Variants in RALGAPA2 observed in about 807,000 individuals in gnomAD.
The protein encoded by RALGAPA2 is Ral GTPase activating protein catalytic subunit alpha 2.
In RALGAPA2, 139 loss-of-function variants were observed where a neutral mutation model predicts 230.4. The observed-to-expected ratio is 0.60, with a 90% CI of 0.53 to 0.69. RALGAPA2 has a LOEUF of 0.69. RALGAPA2 is among the 30% of genes least tolerant of loss of function. The pLI is 0.00. For missense variants in RALGAPA2, 2,163 were observed against 2,276.0 expected (o/e 0.95, Z 1.01); for synonymous variants, 847 against 837.8 (o/e 1.01, Z -0.19).
intron 9 of RALGAPA2, among the ~76,000 whole-genome samples, chr20:20,632,231 C>A (rs1037973778): frequency 1.3e-5 from 2 of 151,924 alleles, no homozygotes; most frequent in African/African-American, 2.4e-5. Flanking sequence ...GGGGTTTCAC[C>A]GTGTTAGCCA....
intron 3 of RALGAPA2, among the ~76,000 whole-genome samples, chr20:20,656,708 C>G (rs370608472): frequency 1.3e-5 from 2 of 152,184 alleles, no homozygotes; most frequent in Non-Finnish European, 2.9e-5. Flanking sequence ...TAAGAACCCA[C>G]GTGAGCATTG....
chr20:20,584,932 G>T lies in RALGAPA2; in HGVS notation c.2463C>A (p.Ser821Arg). 6.2e-7 allele frequency: 1 copy of T among 1,610,456 alleles called. No homozygotes were observed. The highest frequency in any genetic ancestry group is 8.5e-7 in the Non-Finnish European group (1 of 1,178,052). The change falls in exon 19 of 40, where the codon AGC becomes AGA. Residue 821 changes from serine (S) to arginine (R), a missense_variant. Ser to Arg is a moderately radical substitution (Grantham distance 110, BLOSUM62 -1). Transcript: ENST00000202677. ...CATCTTTCAAATCCAATTCAGCAGG[G>T]CTGCTGCTTCTTCGAACTAAGATCT... ...GITILVRRSS[S>R]PAELDLKDDL...
At chr20:20,675,833 G>A (rs1002582051) in intron 3 of RALGAPA2, among the ~76,000 whole-genome samples, 1 of 152,070 alleles carries the variant, frequency 6.6e-6, no homozygotes, top group Admixed American at 6.6e-5. Flanking sequence ...TAGAGTATAG[G>A]AAATTTACAT....
intron 27 of RALGAPA2, among the ~76,000 whole-genome samples, chr20:20,530,207 T>G (rs1313672050): frequency 1.3e-5 from 2 of 152,208 alleles, no homozygotes; most frequent in Non-Finnish European, 2.9e-5. Context: ...CTACCTCATC[T>G]GTGAAGTGGA....
intron 23 of RALGAPA2, among the ~76,000 whole-genome samples, chr20:20,551,593 A>T (rs1428258547): frequency 6.6e-6 from 1 of 152,226 alleles, no homozygotes; most frequent in Non-Finnish European, 1.5e-5. Context: ...AGGTAATTCA[A>T]ATAGAGGCGT....
chr20:20,613,385 C>T (rs2066032765), intron 13 of RALGAPA2, among the ~76,000 whole-genome samples: 1 of 152,210 alleles, frequency 6.6e-6, no homozygotes, highest in Admixed American at 6.5e-5. Context: ...CATTTACATA[C>T]CAGTTATTCC....
intron 37 of RALGAPA2, among the ~76,000 whole-genome samples, chr20:20,414,843 C>T (rs1041274817): frequency 2.6e-5 from 4 of 152,220 alleles, no homozygotes; most frequent in Non-Finnish European, 4.4e-5. Flanking sequence ...CACACTCTCC[C>T]GCCCACTAAC....
At chr20:20,642,144 AAGGGGAGGGGAGGGGAGGGG>A (rs776626497) in intron 5 of RALGAPA2, among the ~76,000 whole-genome samples, 2 of 5,366 alleles carry the variant, frequency 3.7e-4, no homozygotes, top group Non-Finnish European at 6.5e-4. Context: ...GAGGGGAGAG[AAGGGGAGGGGAGGGGAGGGG>A]AGGGGAGGGG....
intron 37 of RALGAPA2, among the ~76,000 whole-genome samples, chr20:20,457,990 G>A (rs2061163452): frequency 6.6e-6 from 1 of 152,230 alleles, no homozygotes; most frequent in Non-Finnish European, 1.5e-5. Context: ...AGGGCCCCTG[G>A]TGAGGGTGAG....
At chr20:20,434,249 TG>T (rs1295548392) in intron 37 of RALGAPA2, among the ~76,000 whole-genome samples, 1 of 152,156 alleles carries the variant, frequency 6.6e-6, no homozygotes, top group African/African-American at 2.4e-5. Context: ...TGGCCTCTCA[TG>T]GGAACTCATG....
intron 14 of RALGAPA2, among the ~76,000 whole-genome samples, chr20:20,605,776 G>A (rs865931611): frequency 2.0e-5 from 3 of 151,998 alleles, no homozygotes; most frequent in Non-Finnish European, 4.4e-5. Flanking sequence ...CAGGAAAACC[G>A]CCAGCCCACC....
intron 37 of RALGAPA2, among the ~76,000 whole-genome samples, chr20:20,414,930 T>A (rs2060136997): frequency 6.6e-6 from 1 of 152,184 alleles, no homozygotes; most frequent in Non-Finnish European, 1.5e-5. Context: ...GACCAGGAGA[T>A]CATCAAATAC....
chr20:20,673,420 A>G (rs767271846), intron 3 of RALGAPA2, among the ~76,000 whole-genome samples: 31 of 152,140 alleles, frequency 2.0e-4, no homozygotes, highest in Non-Finnish European at 4.0e-4. Context: ...GCTTGAAGAC[A>G]ATAAAGACCA....
chr20:20,572,872 T>A lies in RALGAPA2; in HGVS notation c.2901+3A>T, dbSNP rs374197476. 9 of 1,516,802 alleles carry A rather than the reference T, an allele frequency of 5.9e-6. No homozygotes were observed. The highest frequency in any genetic ancestry group is 8.0e-6 in the Non-Finnish European group (9 of 1,123,354). 94.0% of individuals were successfully genotyped at this position (1,516,802 alleles called of 1,614,324 possible). ...GAATAAAAAGTAACATAGCAGAACT[T>A]ACCTTTGCTAGTTTGTACCAGAGTT... On this transcript the variant is annotated splice_donor_region_variant and intron_variant, in intron 21 of 39. Transcript: ENST00000202677.
chr20:20,632,201 AT>A (rs35792794), intron 9 of RALGAPA2, among the ~76,000 whole-genome samples: 4 of 148,648 alleles, frequency 2.7e-5, no homozygotes, highest in African/African-American at 9.9e-5. Flanking sequence ...ATTTTTTTGT[AT>A]TTTTTTTTCA....
intron 1 of RALGAPA2, among the ~76,000 whole-genome samples, chr20:20,701,635 C>T (rs1233763987): frequency 6.6e-6 from 1 of 152,156 alleles, no homozygotes; most frequent in Non-Finnish European, 1.5e-5. Flanking sequence ...GAGGCTGAGG[C>T]AGGAGAATTG....
chr20:20,635,377 T>G (rs1292941403), intron 9 of RALGAPA2, 41 bp downstream of exon 9: 1 of 1,521,754 alleles, frequency 6.6e-7, no homozygotes, highest in African/African-American at 1.4e-5. Flanking sequence ...TGTATTTTAT[T>G]ACACAAGCAT....
At chr20:20,433,096 T>G (rs1040418154) in intron 37 of RALGAPA2, among the ~76,000 whole-genome samples, 2 of 152,242 alleles carry the variant, frequency 1.3e-5, no homozygotes, top group Non-Finnish European at 2.9e-5. Flanking sequence ...AAACATCTAG[T>G]AACACTTCTA....
chr20:20,518,835 T>A (rs996949184), intron 31 of RALGAPA2, among the ~76,000 whole-genome samples: 4 of 152,206 alleles, frequency 2.6e-5, no homozygotes, highest in Non-Finnish European at 4.4e-5. Flanking sequence ...TATAAATTGA[T>A]GACTTTAGGA....
Sources: allele counts gnomAD v4.1 joint callset (sites outside exome capture counted in the v4.1 genomes callset), GRCh38; gene constraint gnomAD v4.1.1; transcripts MANE v1.5; gene names NCBI Gene and HGNC (gene_info 2026-07-23, HGNC 2026-07-21).